The following SASH1 variants were observed in gnomAD, a reference collection of about 807,000 sequenced individuals.
The protein encoded by SASH1 is SAM and SH3 domain containing 1.
A neutral mutation model predicts 125.2 loss-of-function variants in SASH1; 44 were observed. The observed-to-expected ratio is 0.35, with a 90% CI of 0.28 to 0.45. SASH1 has a LOEUF of 0.45. Ranked by LOEUF, SASH1 falls within the 20% of genes least tolerant of loss-of-function variation. SASH1 has a pLI of 1.00. For missense variants in SASH1, 1,426 were observed against 1,614.5 expected (o/e 0.88, Z 2.00); for synonymous variants, 639 against 649.1 (o/e 0.98, Z 0.24).
the SASH1 span, among the ~76,000 whole-genome samples, chr6:148,201,932 G>A: frequency 6.6e-6 from 1 of 152,072 alleles, no homozygotes; most frequent in Non-Finnish European, 1.5e-5. Context: ...TTCTCCAGTG[G>A]GAATGCACAA....
chr6:148,387,580 CTTTCTTTCT>C, intron 1 of SASH1, among the ~76,000 whole-genome samples: 1 of 5,970 alleles, frequency 1.7e-4, no homozygotes, highest in South Asian at 9.8e-3. Context: ...TTCTTTCTTT[CTTTCTTTCT>C]TTCTTTCTTT....
At chr6:148,257,919 C>A in the SASH1 span, among the ~76,000 whole-genome samples, 1 of 152,168 alleles carries the variant, frequency 6.6e-6, no homozygotes, top group Admixed American at 6.5e-5. Context: ...TGAGCCACCA[C>A]ACCTGGCCGT....
chr6:148,198,340 G>C, the SASH1 span, among the ~76,000 whole-genome samples: 1 of 152,106 alleles, frequency 6.6e-6, no homozygotes. Context: ...TTTCTTTCTA[G>C]CAGTGTGAAA....
chr6:148,280,936 T>TTTGTTTTGTTTTG (rs1210599429), intron 1 of SASH1, among the ~76,000 whole-genome samples: 8 of 151,624 alleles, frequency 5.3e-5, no homozygotes, highest in South Asian at 2.1e-4. Context: ...GTTGTTTTGT[T>TTTGTTTTGTTTTG]TTGTTTTGTT....
chr6:148,381,645 A>ATTTTTTTTT (rs1783141930), intron 1 of SASH1, among the ~76,000 whole-genome samples: 1 of 18,286 alleles, frequency 5.5e-5, no homozygotes, highest in Non-Finnish European at 9.5e-5. Flanking sequence ...TTTTTTTTTG[A>ATTTTTTTTT]GACAGAGTCT....
the SASH1 span, among the ~76,000 whole-genome samples, chr6:148,261,238 C>A: frequency 1.3e-5 from 2 of 152,284 alleles, no homozygotes; most frequent in South Asian, 4.1e-4. Flanking sequence ...ACCCTCACAC[C>A]TCTGCATTGT....
intron 7 of SASH1, among the ~76,000 whole-genome samples, chr6:148,477,303 G>A (rs1290433338): frequency 6.6e-6 from 1 of 152,080 alleles, no homozygotes; most frequent in East Asian, 1.9e-4. Context: ...GAAAATATTT[G>A]CAAACTAACC....
At chr6:148,455,094 G>A (rs544432136) in intron 4 of SASH1, among the ~76,000 whole-genome samples, 1 of 152,322 alleles carries the variant, frequency 6.6e-6, no homozygotes, top group East Asian at 1.9e-4. Flanking sequence ...GAATGAAGAT[G>A]GGCCCTGTGA....
chr6:148,353,909 C>T (rs773202411), intron 1 of SASH1, among the ~76,000 whole-genome samples: 5 of 152,128 alleles, frequency 3.3e-5, no homozygotes, highest in African/African-American at 4.8e-5. Flanking sequence ...GTGGTTCACT[C>T]CTGTAATCCC....
intron 2 of SASH1, among the ~76,000 whole-genome samples, chr6:148,403,719 A>G (rs1286225407): frequency 1.3e-5 from 2 of 151,772 alleles, no homozygotes; most frequent in African/African-American, 4.8e-5. Flanking sequence ...TTTAGTAGAG[A>G]TTGGGTTTTG....
chr6:148,261,238 C>T, the SASH1 span, among the ~76,000 whole-genome samples: 1 of 152,166 alleles, frequency 6.6e-6, no homozygotes, highest in Admixed American at 6.5e-5. Context: ...ACCCTCACAC[C>T]TCTGCATTGT....
chr6:148,444,480 G>C (rs1052531618), intron 4 of SASH1, among the ~76,000 whole-genome samples: 2 of 152,154 alleles, frequency 1.3e-5, no homozygotes, highest in Non-Finnish European at 2.9e-5. Flanking sequence ...ACAAGAGGTG[G>C]GTTGATAGGT....
At chr6:148,512,397 T>G (rs1015795002) in intron 8 of SASH1, 1 of 829,466 alleles carries the variant, frequency 1.2e-6, no homozygotes. Flanking sequence ...TTAGAATTGC[T>G]TGGCTTTTGA....
rs746923697 is a variant in SASH1, at chr6:148,410,931, G to C, written c.285+20669G>C. On this transcript the variant is annotated intron_variant, in intron 2 of 19. Coordinates refer to ENST00000367467, the MANE Select transcript of SASH1 (RefSeq NM_015278.5). ...TCCCAGCACTTTGGGGGGCTGAGACGGGTGGATCACCTGAAGTTAGGAGTT... is the reference window on the plus strand; with the variant it reads ...TCCCAGCACTTTGGGGGGCTGAGACCGGTGGATCACCTGAAGTTAGGAGTT... Among the ~76,000 whole-genome samples the C allele has an allele frequency of 4.3e-4, 66 of 152,052 alleles. 1 individual carries two copies. The highest frequency in any genetic ancestry group is 2.6e-4 in the Non-Finnish European group (18 of 68,016).
intron 1 of SASH1, among the ~76,000 whole-genome samples, chr6:148,366,660 C>A (rs1223138112): frequency 6.7e-6 from 1 of 149,752 alleles, no homozygotes; most frequent in Admixed American, 6.6e-5. Flanking sequence ...TGCAATGGTG[C>A]GATCTCAGCT....
At chr6:148,537,548 AAAAC>A (rs773496470) in intron 16 of SASH1, among the ~76,000 whole-genome samples, 20 of 151,106 alleles carry the variant, frequency 1.3e-4, no homozygotes, top group Admixed American at 2.6e-4. Flanking sequence ...AGAGGAAAAG[AAAAC>A]AAACAAACAT....
chr6:148,317,600 T>C (rs1780514260), intron 1 of SASH1, among the ~76,000 whole-genome samples: 1 of 152,170 alleles, frequency 6.6e-6, no homozygotes, highest in Non-Finnish European at 1.5e-5. Flanking sequence ...AATTTTTTTG[T>C]ATTTTTAGTA....
At position 148,487,702 on chromosome 6, in the gene SASH1, C is replaced by T. The variant is rs1258783036; in HGVS notation, c.716C>T (p.Ser239Leu). ...GGTTCTTACCCAACGTTTGATGGCT[C>T]ATCAAACTGCAATGTGAGTTTATCA... ...PDGSYPTFDGSSNCNSREQSD... is the reference protein window; with the variant it reads ...PDGSYPTFDGLSNCNSREQSD... Residue 239 changes from serine to leucine, a missense_variant, in exon 8 of 20, where the codon TCA (serine) becomes TTA (leucine). By Grantham distance (145) the Ser-to-Leu change is moderately radical. This residue lies in a region of SASH1 where 567 missense variants were observed against 575.6 expected (regional missense o/e 0.99). Transcript: ENST00000367467. 1.2e-6 allele frequency: 2 copies of T among 1,610,560 alleles called. No homozygotes were observed. Among genetic ancestry groups the T allele is most frequent in the South Asian group, 1.1e-5 (1 of 90,972 alleles).
intron 8 of SASH1, among the ~76,000 whole-genome samples, chr6:148,499,558 T>C (rs548711584): frequency 2.0e-5 from 3 of 152,286 alleles, no homozygotes; most frequent in East Asian, 1.9e-4. Context: ...GTGGACTTCA[T>C]TGAGATTTTC....
Sources: allele counts gnomAD v4.1 joint callset (sites outside exome capture counted in the v4.1 genomes callset), GRCh38; gene constraint gnomAD v4.1.1; regional missense constraint gnomAD v4.1.1; transcripts MANE v1.5; gene names NCBI Gene and HGNC (gene_info 2026-07-23, HGNC 2026-07-21).